MYO5A: variants seen among roughly 807,000 people sequenced by gnomAD.
MYO5A encodes the protein unconventional myosin-Va.
MYO5A carries 98 observed loss-of-function variants against 249.7 expected under a neutral mutation model. The ratio of observed to expected loss-of-function variants is 0.39; its 90% CI spans 0.33 to 0.46. The LOEUF is 0.46. MYO5A is among the 20% of genes least tolerant of loss of function. The probability of loss-of-function intolerance (pLI) is 0.98; values close to 1 mark genes in which losing one functional copy is unlikely to be tolerated. For synonymous variants in MYO5A, 778 were observed against 810.6 expected (o/e 0.96, Z 0.68); for missense variants, 1,696 against 2,308.8 (o/e 0.73, Z 5.44).
In MYO5A at chr15:52,488,514, G is replaced by C. The variant is rs143329080; in HGVS notation, c.27+40266C>G. ...CTGCTGGTGCTAGTCCCTAGACCTA[G>C]GCTTTAAAACAACAAAATTAATTAT... On this transcript the variant is annotated intron_variant, in intron 1 of 41. Coordinates refer to ENST00000399233, the MANE Select transcript of MYO5A (RefSeq NM_001382347.1). 4.5e-4 allele frequency among the ~76,000 whole-genome samples: 68 copies of C among 152,214 alleles called. 1 individual carries two copies. In the East Asian group the frequency reaches 7.1e-3, roughly 16 times the overall value.
intron 6 of MYO5A, 34 bp downstream of exon 6, chr15:52,410,299 A>C: frequency 6.3e-7 from 1 of 1,598,322 alleles, no homozygotes; most frequent in Non-Finnish European, 8.6e-7. Flanking sequence ...ACAGCAATCT[A>C]ACACAAGTGC....
chr15:52,483,579 TA>T (rs1320059468), intron 1 of MYO5A, among the ~76,000 whole-genome samples: 5 of 152,198 alleles, frequency 3.3e-5, no homozygotes, highest in Admixed American at 2.6e-4. Context: ...TAGAAATTTC[TA>T]AAAAACCCAT....
At chr15:52,440,410 G>A (rs1156852658) in intron 1 of MYO5A, among the ~76,000 whole-genome samples, 1 of 152,128 alleles carries the variant, frequency 6.6e-6, no homozygotes, top group Non-Finnish European at 1.5e-5. Flanking sequence ...CGAGATTACA[G>A]GCATGCACCA....
At chr15:52,341,481 G>A (rs1193932395) in intron 31 of MYO5A, among the ~76,000 whole-genome samples, 1 of 152,186 alleles carries the variant, frequency 6.6e-6, no homozygotes, top group Non-Finnish European at 1.5e-5. Context: ...CAGAGTCAGA[G>A]CATCCTCCCT....
intron 1 of MYO5A, among the ~76,000 whole-genome samples, chr15:52,435,872 A>T (rs1202690450): frequency 6.6e-6 from 1 of 152,222 alleles, no homozygotes; most frequent in Non-Finnish European, 1.5e-5. Flanking sequence ...AAAATAAAGG[A>T]CATTTTAACA....
At position 52,378,515 on chromosome 15, in the gene MYO5A, C is replaced by CAAA. The variant is rs55803737; in HGVS notation, c.2208+1107_2208+1109dup. On this transcript the variant is annotated intron_variant, in intron 18 of 41. Coordinates refer to ENST00000399233, the MANE Select transcript of MYO5A (RefSeq NM_001382347.1). ...CCTGGGTGAAAGAGCAAGACTGTCT[C>CAAA]AAAAAAAAAAAAAAAAGAAGGGAAT... Among the ~76,000 whole-genome samples, 15 of 10,488 alleles carry CAAA rather than the reference C, an allele frequency of 1.4e-3. 3 individuals are homozygous for CAAA. In the South Asian group the frequency reaches 0.067, roughly 47 times the overall value. 6.9% of individuals were successfully genotyped at this position (10,488 alleles called of 152,430 possible). A position where few individuals can be genotyped will look rare whatever the true frequency, so the allele number is the denominator to read the frequency against.
chr15:52,315,970 C>G (rs1400956998), intron 40 of MYO5A, among the ~76,000 whole-genome samples: 1 of 151,972 alleles, frequency 6.6e-6, no homozygotes, highest in African/African-American at 2.4e-5. Flanking sequence ...CACTGTGGCT[C>G]ACGCCTGTAA....
intron 7 of MYO5A, 109 bp from the exon 8 acceptor site, chr15:52,407,508 T>C (rs2043059503): frequency 3.2e-6 from 2 of 619,882 alleles, no homozygotes; most frequent in African/African-American, 3.7e-5. Context: ...GTGTACAGCA[T>C]CTAGAGTTTG....
chr15:52,396,469 C>T, intron 10 of MYO5A, 72 bp from the exon 11 acceptor site: 1 of 856,976 alleles, frequency 1.2e-6, no homozygotes, highest in South Asian at 1.5e-5. Flanking sequence ...TCAAAATATA[C>T]ACATTAGGAA....
intron 1 of MYO5A, among the ~76,000 whole-genome samples, chr15:52,448,759 A>G (rs1724589): frequency 0.56 from 84,888 of 151,358 alleles, 24,777 homozygotes; most frequent in East Asian, 0.89. Context: ...GTGTGTAGCA[A>G]CACCTCCCAC....
At chr15:52,434,004 T>C (rs1375129040) in intron 1 of MYO5A, among the ~76,000 whole-genome samples, 8 of 149,390 alleles carry the variant, frequency 5.4e-5, no homozygotes, top group South Asian at 4.2e-4. Context: ...TTTTTCTTTT[T>C]TTTTTTTTTT....
intron 1 of MYO5A, among the ~76,000 whole-genome samples, chr15:52,495,177 T>C (rs187404287): frequency 3.9e-4 from 59 of 152,238 alleles, no homozygotes; most frequent in African/African-American, 1.4e-3. Context: ...GAATGGATAA[T>C]GAAAATGTAC....
At chr15:52,391,859 T>C in intron 12 of MYO5A, 71 bp downstream of exon 12, 2 of 1,501,966 alleles carry the variant, frequency 1.3e-6, no homozygotes, top group Admixed American at 1.7e-5. Flanking sequence ...AATCTCTCCT[T>C]GAACCCACTT....
chr15:52,480,215 C>T (rs528465808), intron 1 of MYO5A, among the ~76,000 whole-genome samples: 69 of 152,290 alleles, frequency 4.5e-4, no homozygotes, highest in African/African-American at 1.6e-3. Context: ...GAACTAAATA[C>T]TAATTGCGAT....
At chr15:52,527,570 A>G (rs2077750473) in intron 1 of MYO5A, among the ~76,000 whole-genome samples, 2 of 152,264 alleles carry the variant, frequency 1.3e-5, no homozygotes, top group Admixed American at 6.5e-5. Flanking sequence ...TTTCACAACG[A>G]TTATTAAGTT....
intron 34 of MYO5A, among the ~76,000 whole-genome samples, chr15:52,335,442 G>A (rs1216076363): frequency 6.7e-6 from 1 of 150,010 alleles, no homozygotes; most frequent in East Asian, 2.0e-4. Context: ...CTTGAACCCG[G>A]GAAGCAGAGG....
intron 1 of MYO5A, among the ~76,000 whole-genome samples, chr15:52,447,753 A>G (rs1321466448): frequency 1.3e-5 from 2 of 152,240 alleles, no homozygotes; most frequent in Non-Finnish European, 2.9e-5. Flanking sequence ...AAGGTCACTC[A>G]TGCTATGCTT....
At chr15:52,475,303 A>G (rs2141468947) in intron 1 of MYO5A, among the ~76,000 whole-genome samples, 2 of 152,138 alleles carry the variant, frequency 1.3e-5, no homozygotes. Flanking sequence ...TCTTGCTAGC[A>G]GTCTATCAAT....
intron 34 of MYO5A, chr15:52,331,696 TA>T (rs1488975301): frequency 1.1e-5 from 11 of 985,318 alleles, no homozygotes; most frequent in Non-Finnish European, 2.4e-6. Context: ...AGAACATCAG[TA>T]CCTGCCAGTG....
Sources: gnomAD v4.1 joint callset for allele counts (sites outside exome capture counted in the v4.1 genomes callset) on GRCh38, gnomAD v4.1.1 for gene constraint, MANE v1.5 for transcripts, NCBI Gene and HGNC (gene_info 2026-07-23, HGNC 2026-07-21) for gene names.